Variants in PIGL observed in about 807,000 individuals in gnomAD.
PIGL encodes the protein phosphatidylinositol glycan anchor biosynthesis class L.
In PIGL, 22 loss-of-function variants were observed where a neutral mutation model predicts 31.1. The ratio of observed to expected loss-of-function variants is 0.71; its 90% CI spans 0.51 to 1.01. The LOEUF (loss-of-function observed/expected upper bound fraction) is 1.01, where lower values mean the gene tolerates loss of function less well. PIGL is among the 50% of genes least tolerant of loss of function. The pLI is 0.00. For missense variants in PIGL, 302 were observed against 315.9 expected (o/e 0.96, Z 0.33); for synonymous variants, 131 against 117.4 (o/e 1.12, Z -0.75).
chr17:16,286,096 T>C (rs923358338), intron 2 of PIGL, among the ~76,000 whole-genome samples: 6 of 152,190 alleles, frequency 3.9e-5, no homozygotes, highest in Admixed American at 1.3e-4. Flanking sequence ...AAGGAAATGA[T>C]CGAGTTTAGA....
intron 2 of PIGL, among the ~76,000 whole-genome samples, chr17:16,252,109 C>G (rs899311699): frequency 1.4e-5 from 2 of 140,286 alleles, no homozygotes; most frequent in East Asian, 4.2e-4. Flanking sequence ...GAGTCTCGCT[C>G]TGTCGCCAGG....
chr17:16,267,695 AAAAAAAAG>A (rs988394039), intron 2 of PIGL, among the ~76,000 whole-genome samples: 7 of 151,080 alleles, frequency 4.6e-5, no homozygotes, highest in Non-Finnish European at 7.4e-5. Flanking sequence ...ACTCCATATC[AAAAAAAAG>A]AAAAAAAGAA....
chr17:16,311,950 C>T (rs1046622635), intron 3 of PIGL, among the ~76,000 whole-genome samples: 1 of 152,176 alleles, frequency 6.6e-6, no homozygotes, highest in Non-Finnish European at 1.5e-5. Context: ...GTCATCATGG[C>T]CCGTTCTCAA....
In PIGL at chr17:16,299,979, G is replaced by GT; in HGVS notation, c.426+2dup. The GT allele has an allele frequency of 6.2e-7, 1 of 1,611,098 alleles. No homozygotes were observed. Among genetic ancestry groups the GT allele is most frequent in the African/African-American group, 1.3e-5 (1 of 74,974 alleles). ...CATAGAAGTGAATGGCATCAATCTG[G>GT]TAAGGGGGCAGCTCCCTGAATGGAA... On this transcript the variant is annotated splice_donor_variant, in intron 3 of 6. Coordinates refer to ENST00000225609, the MANE Select transcript of PIGL (RefSeq NM_004278.4). LOFTEE classifies it high-confidence loss of function.
At chr17:16,246,437 G>A (rs915822123) in intron 2 of PIGL, among the ~76,000 whole-genome samples, 16 of 151,216 alleles carry the variant, frequency 1.1e-4, no homozygotes, top group Admixed American at 9.9e-4. Context: ...GCTTGAACCC[G>A]GGAAGCGGAG....
chr17:16,263,089 TA>T (rs1254406726), intron 2 of PIGL, among the ~76,000 whole-genome samples: 35 of 24,546 alleles, frequency 1.4e-3, no homozygotes, highest in Admixed American at 0.011. Context: ...TAATATGGTT[TA>T]TTTGGGGGGG....
intron 2 of PIGL, among the ~76,000 whole-genome samples, chr17:16,274,831 A>T (rs1304658917): frequency 6.6e-6 from 1 of 152,042 alleles, no homozygotes; most frequent in Non-Finnish European, 1.5e-5. Context: ...CAGGAGTTTG[A>T]GACCAGCCTG....
rs895440821 is a variant in PIGL at position 16,326,006 on chromosome 17, G to A, written c.*108G>A. On this transcript the variant is annotated 3_prime_UTR_variant, in exon 7 of 7. Coordinates refer to ENST00000225609, the MANE Select transcript of PIGL (RefSeq NM_004278.4). Reference sequence around the variant, plus strand: ...TTTACCTGAGCTCAAGGAGATCCCCGCTGGAGCAGCCTCTGCAAAAGGGAG... The same window carrying A: ...TTTACCTGAGCTCAAGGAGATCCCCACTGGAGCAGCCTCTGCAAAAGGGAG... The A allele has an allele frequency of 2.6e-5, 20 of 763,864 alleles. No individual in the cohort carries two copies. The highest frequency in any genetic ancestry group is 4.0e-5 in the Non-Finnish European group (18 of 454,708). 47.3% of individuals were successfully genotyped at this position (763,864 alleles called of 1,614,324 possible).
At chr17:16,278,199 G>A (rs2092903410) in intron 2 of PIGL, among the ~76,000 whole-genome samples, 1 of 152,100 alleles carries the variant, frequency 6.6e-6, no homozygotes, top group South Asian at 2.1e-4. Context: ...GGGATTACAA[G>A]TGTGAGCCAC....
intron 2 of PIGL, among the ~76,000 whole-genome samples, chr17:16,289,314 T>C (rs2092950955): frequency 6.6e-6 from 1 of 152,206 alleles, no homozygotes; most frequent in Non-Finnish European, 1.5e-5. Flanking sequence ...CAAAGGAGGA[T>C]TCAGCAACTG....
rs2092934869 is a variant in PIGL, at chr17:16,285,767, C to T, written c.336-14121C>T. Among the ~76,000 whole-genome samples the T allele has an allele frequency of 2.0e-5, 3 of 150,554 alleles. 1 individual carries two copies. In the South Asian group the frequency reaches 6.2e-4, roughly 31 times the overall value. Reference sequence around the variant, plus strand: ...GTCCTTTTTCTTTTTCTCAGATCGCCTTTTCCTTCTCTTACTTATCTTTTC... The same window carrying T: ...GTCCTTTTTCTTTTTCTCAGATCGCTTTTTCCTTCTCTTACTTATCTTTTC... On this transcript the variant is annotated intron_variant, in intron 2 of 6. Transcript: ENST00000225609.
At chr17:16,245,209 T>A (rs1281092234) in intron 2 of PIGL, among the ~76,000 whole-genome samples, 1 of 152,012 alleles carries the variant, frequency 6.6e-6, no homozygotes, top group Non-Finnish European at 1.5e-5. Flanking sequence ...GCCAGGATGG[T>A]CTCAATCTCT....
At chr17:16,283,736 G>A (rs369857799) in intron 2 of PIGL, among the ~76,000 whole-genome samples, 1 of 152,096 alleles carries the variant, frequency 6.6e-6, no homozygotes, top group Non-Finnish European at 1.5e-5. Flanking sequence ...TTAAATCACC[G>A]ATTATACAAA....
At chr17:16,222,309 T>C (rs758977352) in intron 1 of PIGL, among the ~76,000 whole-genome samples, 2 of 151,744 alleles carry the variant, frequency 1.3e-5, no homozygotes, top group Non-Finnish European at 1.5e-5. Flanking sequence ...GGAGTAGATA[T>C]ATATATAGGA....
At chr17:16,246,103 G>A (rs1472144830) in intron 2 of PIGL, among the ~76,000 whole-genome samples, 2 of 151,730 alleles carry the variant, frequency 1.3e-5, no homozygotes, top group Non-Finnish European at 2.9e-5. Flanking sequence ...GATTACAGGC[G>A]TGAGCCACTG....
intron 2 of PIGL, among the ~76,000 whole-genome samples, chr17:16,266,730 G>T (rs1392776121): frequency 6.6e-6 from 1 of 152,000 alleles, no homozygotes; most frequent in Non-Finnish European, 1.5e-5. Context: ...TGAGTAGCTG[G>T]GAATACAGGC....
intron 2 of PIGL, among the ~76,000 whole-genome samples, chr17:16,276,608 G>A (rs931328374): frequency 1.3e-5 from 2 of 152,122 alleles, no homozygotes; most frequent in African/African-American, 4.8e-5. Flanking sequence ...GTGGTGGCGG[G>A]CACCTGTAAT....
At chr17:16,318,094 T>C (rs967888945) in intron 6 of PIGL, among the ~76,000 whole-genome samples, 186 bp downstream of exon 6, 3 of 151,976 alleles carry the variant, frequency 2.0e-5, no homozygotes, top group Non-Finnish European at 4.4e-5. Flanking sequence ...GACTTTAGCC[T>C]TTTTTTTCTA....
chr17:16,299,985 G>A lies in PIGL; in HGVS notation c.426+7G>A. Reference sequence around the variant, plus strand: ...AGTGAATGGCATCAATCTGGTAAGGGGGCAGCTCCCTGAATGGAAAACCTG... The same window carrying A: ...AGTGAATGGCATCAATCTGGTAAGGAGGCAGCTCCCTGAATGGAAAACCTG... On this transcript the variant is annotated splice_region_variant and intron_variant, in intron 3 of 6. Coordinates refer to ENST00000225609, the MANE Select transcript of PIGL (RefSeq NM_004278.4). 1.9e-6 allele frequency: 3 copies of A among 1,609,198 alleles called. No individual in the cohort carries two copies. Among genetic ancestry groups the A allele is most frequent in the Non-Finnish European group, 2.6e-6 (3 of 1,175,616 alleles).
Sources: gnomAD v4.1 joint callset for allele counts (sites outside exome capture counted in the v4.1 genomes callset) on GRCh38, gnomAD v4.1.1 for gene constraint, MANE v1.5 for transcripts, NCBI Gene and HGNC (gene_info 2026-07-23, HGNC 2026-07-21) for gene names.